The following ASPH variants were observed in gnomAD, a reference collection of about 807,000 sequenced individuals.
ASPH encodes the protein aspartyl/asparaginyl beta-hydroxylase.
In ASPH, 100 loss-of-function variants were observed where a neutral mutation model predicts 118.4. That is an observed-to-expected ratio of 0.84 (90% CI 0.72 to 1.00). ASPH has a LOEUF of 1.00. Among genes scored for constraint, ASPH ranks in the 50% least tolerant of loss-of-function variants. The pLI, the probability that ASPH is intolerant of heterozygous loss-of-function variation, is 0.00. For synonymous variants in ASPH, 315 were observed against 325.6 expected (o/e 0.97, Z 0.35); for missense variants, 920 against 919.5 (o/e 1.00, Z -0.01).
intron 2 of ASPH, chr8:61,682,489 T>C (rs767812695): frequency 3.1e-6 from 5 of 1,612,140 alleles, no homozygotes; most frequent in Non-Finnish European, 3.4e-6. Flanking sequence ...TTTGGCTGCA[T>C]GCATGTAAAA....
At chr8:61,700,033 C>T (rs1834859586) in intron 1 of ASPH, among the ~76,000 whole-genome samples, 2 of 152,196 alleles carry the variant, frequency 1.3e-5, no homozygotes, top group Non-Finnish European at 2.9e-5. Flanking sequence ...ACCATTTTGC[C>T]AGCACCTCAC....
At chr8:61,714,129 G>A in intron 1 of ASPH, 140 bp downstream of exon 1, 2 of 1,230,030 alleles carry the variant, frequency 1.6e-6, no homozygotes, top group Non-Finnish European at 2.0e-6. Flanking sequence ...TCCGCCCCGC[G>A]CGCCTAAAGG....
At chr8:61,610,757 T>C (rs1003332248) in intron 14 of ASPH, among the ~76,000 whole-genome samples, 2 of 152,220 alleles carry the variant, frequency 1.3e-5, no homozygotes, top group African/African-American at 4.8e-5. Flanking sequence ...CACCAGCCTG[T>C]GCTGCAACAT....
intron 3 of ASPH, chr8:61,665,375 G>T: frequency 6.2e-7 from 1 of 1,613,512 alleles, no homozygotes; most frequent in South Asian, 1.1e-5. Flanking sequence ...CATATTTGTT[G>T]ATTTTTTCCT....
intron 20 of ASPH, among the ~76,000 whole-genome samples, chr8:61,549,765 A>C (rs1825225222): frequency 6.6e-6 from 1 of 152,208 alleles, no homozygotes. Context: ...TGTTTTTTCA[A>C]AAATCTGACA....
intron 13 of ASPH, among the ~76,000 whole-genome samples, chr8:61,627,959 C>T (rs1853668230): frequency 6.6e-6 from 1 of 152,104 alleles, no homozygotes; most frequent in Non-Finnish European, 1.5e-5. Flanking sequence ...AAATTATTTC[C>T]AGCTCCAGTT....
intron 3 of ASPH, chr8:61,661,896 G>C (rs1588860605): frequency 2.2e-6 from 1 of 450,804 alleles, no homozygotes; most frequent in African/African-American, 2.0e-5. Context: ...GTGAAATTTT[G>C]AGACGATCAT....
chr8:61,622,809 A>C (rs1851451171), intron 13 of ASPH, among the ~76,000 whole-genome samples: 1 of 152,142 alleles, frequency 6.6e-6, no homozygotes. Flanking sequence ...AGTAATACTT[A>C]TCTGCTGAGA....
intron 13 of ASPH, among the ~76,000 whole-genome samples, chr8:61,628,925 G>A (rs1854273632): frequency 6.6e-6 from 1 of 152,100 alleles, no homozygotes; most frequent in Non-Finnish European, 1.5e-5. Context: ...TATATATAAA[G>A]CACTTATGGA....
chr8:61,634,487 T>G (rs1856912961), intron 12 of ASPH, among the ~76,000 whole-genome samples: 1 of 152,244 alleles, frequency 6.6e-6, no homozygotes, highest in African/African-American at 2.4e-5. Context: ...TTTTTCTTCT[T>G]GCATTAATTT....
intron 14 of ASPH, among the ~76,000 whole-genome samples, chr8:61,617,511 T>A (rs917254031): frequency 2.0e-5 from 3 of 152,108 alleles, no homozygotes; most frequent in African/African-American, 7.2e-5. Flanking sequence ...GGAGAGCTTG[T>A]GAGAGTATGA....
At chr8:61,618,364 T>A (rs894861489) in intron 14 of ASPH, among the ~76,000 whole-genome samples, 1 of 152,242 alleles carries the variant, frequency 6.6e-6, no homozygotes, top group Non-Finnish European at 1.5e-5. Context: ...CACTATTCTA[T>A]GATCATCCAT....
At chr8:61,568,017 G>A (rs1169045895) in intron 16 of ASPH, among the ~76,000 whole-genome samples, 1 of 152,166 alleles carries the variant, frequency 6.6e-6, no homozygotes, top group African/African-American at 2.4e-5. Flanking sequence ...AGGTAGGAGT[G>A]AGGAATCGAG....
At chr8:61,637,886 C>T in intron 12 of ASPH, 61 bp downstream of exon 12, 1 of 1,483,452 alleles carries the variant, frequency 6.7e-7, no homozygotes, top group East Asian at 2.3e-5. Flanking sequence ...CGATAAATAA[C>T]TGAATAAACA....
intron 5 of ASPH, among the ~76,000 whole-genome samples, chr8:61,647,585 C>T (rs572037920): frequency 4.6e-5 from 7 of 152,214 alleles, no homozygotes; most frequent in Non-Finnish European, 8.8e-5. Context: ...GCAGGAGAAT[C>T]GCTTGAACCT....
At chr8:61,603,191 CAAAAAAAAAAAAA>C (rs11336705) in intron 14 of ASPH, among the ~76,000 whole-genome samples, 1 of 61,348 alleles carries the variant, frequency 1.6e-5, no homozygotes, top group Non-Finnish European at 2.9e-5. Flanking sequence ...AGACTTGTCT[CAAAAAAAAAAAAA>C]AAAAAAAAAA....
At chr8:61,676,989 T>A (rs548543794) in intron 3 of ASPH, among the ~76,000 whole-genome samples, 6 of 152,300 alleles carry the variant, frequency 3.9e-5, no homozygotes, top group Admixed American at 1.3e-4. Context: ...GTGGTAGCTC[T>A]ATAAAACTCT....
At chr8:61,593,228 T>C (rs1263584644) in intron 14 of ASPH, among the ~76,000 whole-genome samples, 4 of 152,174 alleles carry the variant, frequency 2.6e-5, no homozygotes, top group Non-Finnish European at 5.9e-5. Context: ...TATCACCATG[T>C]GAGAAAGAAA....
At chr8:61,550,876 T>A (rs1825754098) in intron 20 of ASPH, among the ~76,000 whole-genome samples, 1 of 152,020 alleles carries the variant, frequency 6.6e-6, no homozygotes, top group African/African-American at 2.4e-5. Context: ...GCCAAAAACA[T>A]GAGAAAACCA....
Sources: allele counts gnomAD v4.1 joint callset (sites outside exome capture counted in the v4.1 genomes callset), GRCh38; gene constraint gnomAD v4.1.1; transcripts MANE v1.5; gene names NCBI Gene and HGNC (gene_info 2026-07-23, HGNC 2026-07-21).